NSUN7: variants seen among roughly 807,000 people sequenced by gnomAD.
NSUN7 encodes the protein protein NSUN7.
Under a neutral mutation model 58.5 loss-of-function variants are expected in NSUN7, and 39 were observed. The ratio of observed to expected loss-of-function variants is 0.67; its 90% CI spans 0.52 to 0.87. The LOEUF is 0.87. Among genes scored for constraint, NSUN7 ranks in the 40% least tolerant of loss-of-function variants. The pLI is 0.00. For synonymous variants in NSUN7, 278 were observed against 303.7 expected (o/e 0.92, Z 0.88); for missense variants, 765 against 844.1 (o/e 0.91, Z 1.16).
chr4:40,780,813 ATTTTTTTTT>A (rs1171816788), intron 7 of NSUN7, among the ~76,000 whole-genome samples: 31 of 63,246 alleles, frequency 4.9e-4, no homozygotes, highest in Admixed American at 3.1e-3. Context: ...ATATATATAT[ATTTTTTTTT>A]TTTTTTTTTT....
intron 7 of NSUN7, among the ~76,000 whole-genome samples, chr4:40,781,535 C>A (rs551151296): frequency 3.9e-5 from 6 of 152,146 alleles, no homozygotes; most frequent in Non-Finnish European, 8.8e-5. Flanking sequence ...TAAATTCAAC[C>A]TCCTGGGCCC....
intron 7 of NSUN7, among the ~76,000 whole-genome samples, chr4:40,788,648 TTTC>T (rs1371384517): frequency 1.3e-5 from 2 of 152,168 alleles, no homozygotes; most frequent in African/African-American, 2.4e-5. Context: ...AGAAAGGACT[TTTC>T]TTCTTCCAAT....
intron 4 of NSUN7, among the ~76,000 whole-genome samples, chr4:40,771,432 G>A (rs1274472670): frequency 6.6e-6 from 1 of 152,016 alleles, no homozygotes; most frequent in Non-Finnish European, 1.5e-5. Flanking sequence ...TCTCATGCAC[G>A]CCAGTTGGGC....
At position 40,810,202 on chromosome 4, in the gene NSUN7, AAAGAG is replaced by A. The variant is rs547968558; in HGVS notation, c.*1266_*1270del. 2.6e-5 allele frequency: 4 copies of A among 152,334 alleles called. No homozygotes were observed. The highest frequency in any genetic ancestry group is 9.6e-5 in the African/African-American group (4 of 41,572). The allele number at this position is 152,334 out of a possible 1,614,324, so 9.4% of individuals were successfully genotyped here. On this transcript the variant is annotated 3_prime_UTR_variant, in exon 12 of 12. Coordinates refer to ENST00000381782, the MANE Select transcript of NSUN7 (RefSeq NM_024677.6). ...TTTTACTTTCTTACTTGAAGTGAGAAAAGAGAATGGTGAATTGTATTATAGCGGTA... is the reference window on the plus strand; with the variant it reads ...TTTTACTTTCTTACTTGAAGTGAGAAAATGGTGAATTGTATTATAGCGGTA...
rs1744243064 is a variant in NSUN7, at chr4:40,810,686, T to TTA, written c.*1749_*1750dup. On this transcript the variant is annotated 3_prime_UTR_variant, in exon 12 of 12. Coordinates refer to ENST00000381782, the MANE Select transcript of NSUN7 (RefSeq NM_024677.6). The stretch of plus-strand genomic sequence containing the variant: ...AATCCCTGAAGAAGAATTCTTCATG[T>TTA]TATCACTCTTGTACAGAAAGATATA... The TTA allele has an allele frequency of 6.6e-6, 1 of 152,150 alleles. No homozygotes were observed. Among genetic ancestry groups the TTA allele is most frequent in the African/African-American group, 2.4e-5 (1 of 41,422 alleles). 9.4% of individuals were successfully genotyped at this position (152,150 alleles called of 1,614,324 possible). A position where few individuals can be genotyped will look rare whatever the true frequency, so the allele number is the denominator to read the frequency against.
chr4:40,791,177 G>T (rs1225467795), intron 8 of NSUN7, among the ~76,000 whole-genome samples: 1 of 152,180 alleles, frequency 6.6e-6, no homozygotes, highest in African/African-American at 2.4e-5. Context: ...TTCTAAACAT[G>T]ATTCTAATTA....
intron 4 of NSUN7, among the ~76,000 whole-genome samples, chr4:40,769,188 A>T (rs1302702229): frequency 6.6e-6 from 1 of 152,190 alleles, no homozygotes; most frequent in Non-Finnish European, 1.5e-5. Flanking sequence ...TATCACTTGG[A>T]CTACCATGAT....
chr4:40,782,868 T>TA (rs895227400), intron 7 of NSUN7, among the ~76,000 whole-genome samples: 5 of 152,050 alleles, frequency 3.3e-5, no homozygotes, highest in African/African-American at 1.2e-4. Context: ...ACCCTGTCTC[T>TA]AAAAAAATAA....
intron 11 of NSUN7, among the ~76,000 whole-genome samples, chr4:40,808,031 A>G (rs1047683049): frequency 1.0e-4 from 7 of 68,360 alleles, no homozygotes; most frequent in South Asian, 3.3e-4. Context: ...CTCCATCTCA[A>G]AAAAAAAAAA....
At chr4:40,782,017 T>C (rs1742589918) in intron 7 of NSUN7, among the ~76,000 whole-genome samples, 1 of 152,086 alleles carries the variant, frequency 6.6e-6, no homozygotes, top group Non-Finnish European at 1.5e-5. Context: ...AGAGTAAAAT[T>C]GTCCAGAACA....
chr4:40,781,185 A>G (rs909791855), intron 7 of NSUN7, among the ~76,000 whole-genome samples: 7 of 151,744 alleles, frequency 4.6e-5, no homozygotes, highest in African/African-American at 1.2e-4. Context: ...TCATGCCTCA[A>G]TCTCCTGAGT....
chr4:40,765,766 G>A (rs1461221033), intron 4 of NSUN7, among the ~76,000 whole-genome samples: 2 of 152,102 alleles, frequency 1.3e-5, no homozygotes, highest in Non-Finnish European at 2.9e-5. Context: ...TTGAGCAGTG[G>A]TTTGTAATTC....
At chr4:40,760,350 G>A (rs1202428399) in intron 2 of NSUN7, 84 bp from the exon 3 acceptor site, 5 of 924,796 alleles carry the variant, frequency 5.4e-6, no homozygotes, top group African/African-American at 1.7e-5. Flanking sequence ...TGTATTTTAT[G>A]GCATTATTAC....
intron 7 of NSUN7, 70 bp downstream of exon 7, chr4:40,776,329 AT>A: frequency 9.1e-7 from 1 of 1,097,594 alleles, no homozygotes; most frequent in Non-Finnish European, 1.3e-6. Context: ...AAAAGTTTTA[AT>A]TTATTAGTTT....
rs947079260 is a variant in NSUN7, at chr4:40,750,556, G to C, written c.-91-47G>C. On this transcript the variant is annotated intron_variant, in intron 1 of 11. Transcript: ENST00000381782. ...ACAACGAAGGGGGCCACCCACAGGGGTGCTGCAGAAAGAGTGATTTACTGC... is the reference window on the plus strand; with the variant it reads ...ACAACGAAGGGGGCCACCCACAGGGCTGCTGCAGAAAGAGTGATTTACTGC... 17 of 1,005,844 alleles carry C rather than the reference G, an allele frequency of 1.7e-5. No homozygotes were observed. In the East Asian group the frequency reaches 3.8e-4, roughly 23 times the overall value. The allele number at this position is 1,005,844 out of a possible 1,614,324, so 62.3% of individuals were successfully genotyped here.
intron 9 of NSUN7, among the ~76,000 whole-genome samples, chr4:40,798,282 G>A (rs896462976): frequency 1.3e-5 from 2 of 152,200 alleles, no homozygotes; most frequent in Admixed American, 6.5e-5. Flanking sequence ...CTGGCAGGTG[G>A]TAGGTGCTCA....
At chr4:40,807,431 C>A (rs1207178173) in intron 11 of NSUN7, among the ~76,000 whole-genome samples, 1 of 151,186 alleles carries the variant, frequency 6.6e-6, no homozygotes, top group Non-Finnish European at 1.5e-5. Context: ...TCATTGCAAC[C>A]TCCGCCTCCC....
chr4:40,794,557 A>G (rs888606645), intron 9 of NSUN7, 81 bp downstream of exon 9: 341 of 808,764 alleles, frequency 4.2e-4, no homozygotes, highest in Non-Finnish European at 3.1e-4. Context: ...TATTATAATC[A>G]AGCAATGAAG....
At chr4:40,803,672 A>G (rs904891378) in intron 10 of NSUN7, among the ~76,000 whole-genome samples, 1 of 152,246 alleles carries the variant, frequency 6.6e-6, no homozygotes, top group East Asian at 1.9e-4. Context: ...TTTAAAGTGT[A>G]CAATTCAGTG....
Sources: allele counts gnomAD v4.1 joint callset (sites outside exome capture counted in the v4.1 genomes callset), GRCh38; gene constraint gnomAD v4.1.1; transcripts MANE v1.5; gene names NCBI Gene and HGNC (gene_info 2026-07-23, HGNC 2026-07-21).